Variants in MYB observed in about 807,000 individuals in gnomAD.
MYB encodes the protein MYB proto-oncogene, transcription factor.
In MYB, 28 loss-of-function variants were observed where a neutral mutation model predicts 92.9. That is an observed-to-expected ratio of 0.30 (90% CI 0.22 to 0.41). The LOEUF is 0.41. Ranked by LOEUF, MYB falls within the 10% of genes least tolerant of loss-of-function variation. The pLI, the probability that MYB is intolerant of heterozygous loss-of-function variation, is 1.00. For synonymous variants in MYB, 295 were observed against 329.1 expected (o/e 0.90, Z 1.12); for missense variants, 679 against 929.3 (o/e 0.73, Z 3.50).
At chr6:135,204,321 C>T (rs1003541364) in intron 15 of MYB, among the ~76,000 whole-genome samples, 5 of 152,132 alleles carry the variant, frequency 3.3e-5, no homozygotes, top group Non-Finnish European at 5.9e-5. Context: ...TTTTTTGAAA[C>T]AGGGTCTTAC....
intron 15 of MYB, among the ~76,000 whole-genome samples, chr6:135,215,965 A>G (rs1456532627): frequency 1.3e-5 from 2 of 152,144 alleles, no homozygotes; most frequent in Non-Finnish European, 2.9e-5. Flanking sequence ...CTTTTGTCCC[A>G]TGGAAAATAA....
intron 10 of MYB, 146 bp downstream of exon 10, chr6:135,197,469 G>T (rs1583312719): frequency 2.5e-6 from 2 of 803,016 alleles, no homozygotes; most frequent in South Asian, 1.8e-5. Flanking sequence ...CTGTTGCTAA[G>T]TTATACTGCC....
chr6:135,198,058 C>T (rs913849830), intron 10 of MYB, among the ~76,000 whole-genome samples: 3 of 151,774 alleles, frequency 2.0e-5, no homozygotes, highest in Admixed American at 2.0e-4. Context: ...AACATTTTTC[C>T]AATTGTATCT....
At chr6:135,210,131 A>G (rs1779513248) in intron 15 of MYB, among the ~76,000 whole-genome samples, 1 of 152,262 alleles carries the variant, frequency 6.6e-6, no homozygotes, top group African/African-American at 2.4e-5. Context: ...TGAAAAAAGC[A>G]CATTATGCTA....
In MYB at chr6:135,185,920, A is replaced by AG; in HGVS notation, c.43dup (p.Asp15GlyfsTer2). 1 of 1,614,028 alleles carries AG rather than the reference A, an allele frequency of 6.2e-7. No homozygotes were observed. The highest frequency in any genetic ancestry group is 8.5e-7 in the Non-Finnish European group (1 of 1,179,906). The stretch of plus-strand genomic sequence containing the variant: ...TTCTGCAGCATATATAGCAGTGACG[A>AG]GGATGATGAGGACTTTGAGATGTGT... On this transcript the variant is annotated frameshift_variant, in exon 2 of 16. Coordinates refer to ENST00000341911, the MANE Select transcript of MYB (RefSeq NM_001130173.2). LOFTEE classifies it high-confidence loss of function.
Position 135,193,823 on chromosome 6 carries a change from G to C in MYB, c.763-15G>C. Reference sequence around the variant, plus strand: ...CCCTGAATGACGTGGCCTTTGTTTTGTCTTTTGCATCTAGGTCTCCAGTCA... The same window carrying C: ...CCCTGAATGACGTGGCCTTTGTTTTCTCTTTTGCATCTAGGTCTCCAGTCA... On this transcript the variant is annotated splice_polypyrimidine_tract_variant and intron_variant, in intron 6 of 15. Coordinates refer to ENST00000341911, the MANE Select transcript of MYB (RefSeq NM_001130173.2). 1 of 1,594,992 alleles carries C rather than the reference G, an allele frequency of 6.3e-7. No individual in the cohort carries two copies. The highest frequency in any genetic ancestry group is 8.6e-7 in the Non-Finnish European group (1 of 1,162,992).
At chr6:135,195,710 G>C (rs372688172) in intron 8 of MYB, 38 bp from the exon 9 acceptor site, 2 of 1,605,430 alleles carry the variant, frequency 1.2e-6, no homozygotes, top group African/African-American at 1.3e-5. Context: ...CCTTTCTTCT[G>C]TCCTCTCTTT....
At position 135,182,649 on chromosome 6, in the gene MYB, C is replaced by T. The variant is rs1199987160; in HGVS notation, c.23+1113C>T. Among the ~76,000 whole-genome samples, 1 of 152,246 alleles carries T rather than the reference C, an allele frequency of 6.6e-6. No individual in the cohort carries two copies. The highest frequency in any genetic ancestry group is 1.5e-5 in the Non-Finnish European group (1 of 68,044). ...CCGAGGCGCGGTGACCGGACAGACC[C>T]TCGCGAAGGAGTTCTAAGGCGAAGT... On this transcript the variant is annotated intron_variant, in intron 1 of 15. Coordinates refer to ENST00000341911, the MANE Select transcript of MYB (RefSeq NM_001130173.2). This position sits in a 1 kb window ranked among gnomAD's most constrained non-coding sequence, Gnocchi z 5.6.
chr6:135,184,322 C>CTTTTTTTTTTTTTTTTT, intron 1 of MYB, among the ~76,000 whole-genome samples: 7 of 68,404 alleles, frequency 1.0e-4, no homozygotes, highest in East Asian at 5.1e-4. Flanking sequence ...GGCTTTATAG[C>CTTTTTTTTTTTTTTTTT]TTTTTTTTTT....
chr6:135,182,199 A>G lies in MYB; in HGVS notation c.23+663A>G, dbSNP rs1201001179. ...CACTGCAAACATTGCACGCGCACCC[A>G]CACGCGCCGCCGTCGCACATGTCAC... On this transcript the variant is annotated intron_variant, in intron 1 of 15. Transcript: ENST00000341911. The surrounding 1 kb of genome is among the most constrained non-coding windows in gnomAD (Gnocchi z 5.6). 6.6e-6 allele frequency among the ~76,000 whole-genome samples: 1 copy of G among 152,166 alleles called. No individual in the cohort carries two copies. The highest frequency in any genetic ancestry group is 1.5e-5 in the Non-Finnish European group (1 of 68,024).
chr6:135,207,036 G>A (rs1008153867), intron 15 of MYB, among the ~76,000 whole-genome samples: 6 of 151,944 alleles, frequency 3.9e-5, no homozygotes, highest in Non-Finnish European at 7.4e-5. Context: ...TGGTAATTTT[G>A]TTTGTTTGAA....
chr6:135,196,203 A>G (rs1397153164), intron 9 of MYB, among the ~76,000 whole-genome samples: 2 of 152,192 alleles, frequency 1.3e-5, no homozygotes, highest in African/African-American at 4.8e-5. Flanking sequence ...AAGTATTTAT[A>G]AATACTTACA....
chr6:135,218,380 A>T lies in MYB; in HGVS notation c.*400A>T, dbSNP rs1583461767. On this transcript the variant is annotated 3_prime_UTR_variant, in exon 16 of 16. Coordinates refer to ENST00000341911, the MANE Select transcript of MYB (RefSeq NM_001130173.2). ...GTATTTCACTTTTCTCGATCACTAA[A>T]CATATGCATATATTTTTAAAAATCA... 1 of 235,454 alleles carries T rather than the reference A, an allele frequency of 4.2e-6. No homozygotes were observed. The highest frequency in any genetic ancestry group is 8.3e-6 in the Non-Finnish European group (1 of 119,970). 14.6% of individuals were successfully genotyped at this position (235,454 alleles called of 1,614,324 possible).
intron 15 of MYB, among the ~76,000 whole-genome samples, chr6:135,205,068 A>T (rs1383242106): frequency 6.6e-6 from 1 of 152,106 alleles, no homozygotes; most frequent in African/African-American, 2.4e-5. Flanking sequence ...CTCCATCTCA[A>T]AAAAAAGAAT....
At chr6:135,205,735 C>G (rs1301961175) in intron 15 of MYB, among the ~76,000 whole-genome samples, 1 of 152,102 alleles carries the variant, frequency 6.6e-6, no homozygotes, top group Admixed American at 6.5e-5. Context: ...CTGTCTAAAC[C>G]ATATAGTTTA....
chr6:135,190,101 G>A lies in MYB; in HGVS notation c.307-26G>A, dbSNP rs369951895. 1.4e-5 allele frequency: 23 copies of A among 1,602,564 alleles called. No individual in the cohort carries two copies. In the African/African-American group the frequency reaches 2.4e-4, roughly 17 times the overall value. On this transcript the variant is annotated intron_variant, in intron 4 of 15. Transcript: ENST00000341911. The surrounding 1 kb of genome is among the most constrained non-coding windows in gnomAD (Gnocchi z 4.5). ...ACTCATTACATAACTTTAAAACATA[G>A]GTTATTTTTGTGTGTTTATCTGAAG...
intron 9 of MYB, among the ~76,000 whole-genome samples, chr6:135,196,254 A>T (rs889569024): frequency 6.6e-6 from 1 of 152,066 alleles, no homozygotes; most frequent in Admixed American, 6.5e-5. Context: ...TCACATTTTC[A>T]CACTTTTCCT....
rs111414491 is a variant in MYB, at chr6:135,217,936, C to T, written c.2242C>T (p.Arg748Cys). 9 of 1,613,324 alleles carry T rather than the reference C, an allele frequency of 5.6e-6. No homozygotes were observed. The highest frequency in any genetic ancestry group is 5.3e-5 in the African/African-American group (4 of 75,002). The stretch of plus-strand genomic sequence containing the variant: ...GCAGATGACATCTTCCAGTCAAGCT[C>T]GTAAATACGTGAATGCATTCTCAGC... ...EEQMTSSSQA[R>C]KYVNAFSART... is the part of the protein sequence containing the mutation. The change falls in exon 16 of 16, where the codon CGT (arginine) becomes TGT (cysteine). Residue 748 changes from arginine to cysteine, a missense_variant. Physicochemically the swap from Arg to Cys is radical, Grantham distance 180 (BLOSUM62 -3). Transcript: ENST00000341911.
chr6:135,215,415 T>C (rs893609960), intron 15 of MYB, among the ~76,000 whole-genome samples: 6 of 152,166 alleles, frequency 3.9e-5, no homozygotes, highest in African/African-American at 1.4e-4. Flanking sequence ...TGTGGTCCCA[T>C]GGGTGACATT....
Sources: gnomAD v4.1 joint callset for allele counts (sites outside exome capture counted in the v4.1 genomes callset) on GRCh38, gnomAD v4.1.1 for gene constraint, Gnocchi (gnomAD v3.1) non-coding constraint, MANE v1.5 for transcripts, NCBI Gene and HGNC (gene_info 2026-07-23, HGNC 2026-07-21) for gene names.